The following OR3A1 variants were observed in gnomAD, a reference collection of about 807,000 sequenced individuals.
The protein encoded by OR3A1 is olfactory receptor 3A1.
For synonymous variants in OR3A1, 145 were observed against 160.0 expected, an observed-to-expected ratio of 0.91 and a Z score of 0.71; for missense variants, 402 against 393.8, an observed-to-expected ratio of 1.02 and a Z score of -0.18.
intron 1 of OR3A1, among the ~76,000 whole-genome samples, chr17:3,294,688 GACAA>G (rs1204920042): frequency 1.2e-4 from 18 of 151,970 alleles, no homozygotes; most frequent in East Asian, 1.9e-4. Flanking sequence ...TCAAAAAACA[GACAA>G]ACAAACAAAA....
At chr17:3,296,953 G>A (rs890324073) in intron 1 of OR3A1, among the ~76,000 whole-genome samples, 11 of 152,182 alleles carry the variant, frequency 7.2e-5, no homozygotes, top group African/African-American at 1.2e-4. Context: ...TTTATGGAAG[G>A]GGCATAACAT....
chr17:3,296,940 A>G (rs1050657542), intron 1 of OR3A1, among the ~76,000 whole-genome samples: 19 of 152,334 alleles, frequency 1.2e-4, no homozygotes, highest in South Asian at 6.2e-4. Context: ...TTTTCAAATT[A>G]CGTTTATGGA....
rs1230883554 is a variant in OR3A1, at chr17:3,292,583, G to GAGTT, written c.-5_-2dup. ...CATTGGCCCCAGATTCTGGCTGCAT[G>GAGTT]AGTTCCTGCAAAGAAACATCCAGGG... is the stretch of plus-strand genomic sequence containing the variant. On this transcript the variant is annotated 5_prime_UTR_variant, in exon 2 of 2. Transcript: ENST00000323404. 6.3e-7 allele frequency: 1 copy of GAGTT among 1,596,336 alleles called. No homozygotes were observed. The highest frequency in any genetic ancestry group is 1.3e-5 in the African/African-American group (1 of 74,184).
At chr17:3,297,342 C>T (rs1032122069) in intron 1 of OR3A1, among the ~76,000 whole-genome samples, 1 of 152,194 alleles carries the variant, frequency 6.6e-6, no homozygotes, top group African/African-American at 2.4e-5. Flanking sequence ...AACTACCTCT[C>T]ATTTGCCCTT....
intron 1 of OR3A1, among the ~76,000 whole-genome samples, chr17:3,292,928 C>T (rs548267631): frequency 4.6e-5 from 7 of 151,994 alleles, no homozygotes; most frequent in East Asian, 1.9e-4. Flanking sequence ...TGAACATGGC[C>T]GAGTAAATCC....
At chr17:3,296,599 G>A (rs2048920021) in intron 1 of OR3A1, among the ~76,000 whole-genome samples, 1 of 151,898 alleles carries the variant, frequency 6.6e-6, no homozygotes, top group Non-Finnish European at 1.5e-5. Flanking sequence ...AATTTATAAA[G>A]GAAAATAATC....
rs1485543100 is a variant in OR3A1 at position 3,297,866 on chromosome 17, T to TA, written c.-7+416dup. The stretch of plus-strand genomic sequence containing the variant: ...ATGAGCTGGAGTTTGTGCAACACGA[T>TA]AAAAGATTGATACGATTTAAGGGAG... On this transcript the variant is annotated intron_variant, in intron 1 of 1. Transcript: ENST00000323404. 2.0e-5 allele frequency among the ~76,000 whole-genome samples: 3 copies of TA among 152,190 alleles called. No homozygotes were observed. In the East Asian group the frequency reaches 5.8e-4, roughly 29 times the overall value.
chr17:3,291,994 G>A lies in OR3A1; in HGVS notation c.589C>T (p.Leu197Phe), dbSNP rs1207612324. 3.7e-6 allele frequency: 6 copies of A among 1,614,238 alleles called. No homozygotes were observed. Among genetic ancestry groups the A allele is most frequent in the Middle Eastern group, 1.6e-4 (1 of 6,062 alleles). Residue 197 changes from leucine to phenylalanine, a missense_variant, in exon 2 of 2, where the codon CTC (leucine) becomes TTC (phenylalanine). Physicochemically the swap from Leu to Phe is conservative, Grantham distance 22. Transcript: ENST00000323404. ...ACAGCAAAAAGCAGCAGCTCATTGA[G>A]TTGGGTGCTGGAGCAGGAGAGCTGG... Reference protein sequence around the residue: ...LFQLSCSSTQLNELLLFAVGF... With the variant: ...LFQLSCSSTQFNELLLFAVGF...
Position 3,292,004 on chromosome 17 carries a change from G to A in OR3A1, c.579C>T (p.Ser193=). 1 of 1,614,226 alleles carries A rather than the reference G, an allele frequency of 6.2e-7. No homozygotes were observed. Among genetic ancestry groups the A allele is most frequent in the South Asian group, 1.1e-5 (1 of 91,080 alleles). The part of the protein sequence containing the change: ...DLPQLFQLSC[S]STQLNELLLF... ...GCAGCAGCTCATTGAGTTGGGTGCT[G>A]GAGCAGGAGAGCTGGAAGAGCTGTG... Residue 193 remains serine (S), a synonymous_variant, in exon 2 of 2, where the codon TCC becomes TCT. Coordinates refer to ENST00000323404, the MANE Select transcript of OR3A1 (RefSeq NM_002550.3).
intron 1 of OR3A1, among the ~76,000 whole-genome samples, chr17:3,294,571 C>T (rs922742997): frequency 1.3e-5 from 2 of 152,106 alleles, no homozygotes; most frequent in African/African-American, 4.8e-5. Flanking sequence ...CTTTACAATT[C>T]AAAAGTGTAC....
intron 1 of OR3A1, among the ~76,000 whole-genome samples, chr17:3,294,778 TGAA>T (rs1449513127): frequency 6.6e-6 from 1 of 152,194 alleles, no homozygotes; most frequent in Non-Finnish European, 1.5e-5. Context: ...TGGAATGTAA[TGAA>T]GAACATGCCT....
chr17:3,291,360 C>G lies in OR3A1; in HGVS notation c.*275G>C. 1 of 338,776 alleles carries G rather than the reference C, an allele frequency of 3.0e-6. No individual in the cohort carries two copies. The highest frequency in any genetic ancestry group is 5.4e-6 in the Non-Finnish European group (1 of 186,562). 21.0% of individuals were successfully genotyped at this position (338,776 alleles called of 1,614,324 possible). The stretch of plus-strand genomic sequence containing the variant: ...TCTGGAACATGAACCTGTCAGCACT[C>G]ACAGCTTCCTAGGTTTCACCTCTAG... On this transcript the variant is annotated 3_prime_UTR_variant, in exon 2 of 2. Transcript: ENST00000323404.
chr17:3,296,250 GA>G (rs2048917194), intron 1 of OR3A1, among the ~76,000 whole-genome samples: 2 of 152,118 alleles, frequency 1.3e-5, no homozygotes, highest in South Asian at 4.1e-4. Flanking sequence ...GGACCAAACA[GA>G]GAATGAAAAC....
chr17:3,293,228 G>T (rs2625458), intron 1 of OR3A1, among the ~76,000 whole-genome samples: 1 of 151,822 alleles, frequency 6.6e-6, no homozygotes, highest in African/African-American at 2.4e-5. Flanking sequence ...GCAATAATGG[G>T]TATATGGTGT....
chr17:3,296,046 A>G (rs894809842), intron 1 of OR3A1, among the ~76,000 whole-genome samples: 1 of 152,156 alleles, frequency 6.6e-6, no homozygotes, highest in Non-Finnish European at 1.5e-5. Context: ...GGTAGAACCA[A>G]TTGACATTGT....
In OR3A1 at chr17:3,291,727, G is replaced by A. The variant is rs751592370; in HGVS notation, c.856C>T (p.Pro286Ser). 8 of 1,613,770 alleles carry A rather than the reference G, an allele frequency of 5.0e-6. No individual in the cohort carries two copies. The highest frequency in any genetic ancestry group is 6.8e-6 in the Non-Finnish European group (8 of 1,179,672). Residue 286 changes from proline to serine, a missense_variant, in exon 2 of 2, where the codon CCC becomes TCC. Transcript: ENST00000323404. ...AVGIFNTVIN[P>S]MLNPIIYSFR... ...CTGTAGATGATTGGGTTCAGCATGGGATTGATGACAGTGTTGAAAATTCCA... is the reference window on the plus strand; with the variant it reads ...CTGTAGATGATTGGGTTCAGCATGGAATTGATGACAGTGTTGAAAATTCCA...
Position 3,295,225 on chromosome 17 carries a change from A to G in OR3A1, c.-6-2637T>C, listed in dbSNP as rs72809723. 3.3e-3 allele frequency among the ~76,000 whole-genome samples: 510 copies of G among 152,248 alleles called. 1 individual carries two copies. Among genetic ancestry groups the G allele is most frequent in the Non-Finnish European group, 5.0e-3 (341 of 67,952 alleles). On this transcript the variant is annotated intron_variant, in intron 1 of 1. Coordinates refer to ENST00000323404, the MANE Select transcript of OR3A1 (RefSeq NM_002550.3). ...ATCTTCTATAGCTGAATGTTAAAAGATATTATTTAAACCTGATAAATTACA... is the reference window on the plus strand; with the variant it reads ...ATCTTCTATAGCTGAATGTTAAAAGGTATTATTTAAACCTGATAAATTACA...
At position 3,292,541 on chromosome 17, in the gene OR3A1, C is replaced by A. The variant is rs775585120; in HGVS notation, c.42G>T (p.Glu14Asp). ...CCTCCAGCAAGCCCAGCAGGATGAA[C>A]TCAGCAATGACTGTTCCATTGGCCC... is the stretch of plus-strand genomic sequence containing the variant. Reference protein sequence around the residue: ...ESGANGTVIAEFILLGLLEAP... With the variant: ...ESGANGTVIADFILLGLLEAP... Residue 14 changes from glutamate to aspartate, a missense_variant, in exon 2 of 2, where the codon GAG becomes GAT. By Grantham distance (45) the Glu-to-Asp change is conservative. Coordinates refer to ENST00000323404, the MANE Select transcript of OR3A1 (RefSeq NM_002550.3). 7.4e-6 allele frequency: 12 copies of A among 1,613,722 alleles called. No homozygotes were observed. Among genetic ancestry groups the A allele is most frequent in the African/African-American group, 1.3e-5 (1 of 74,878 alleles).
Position 3,291,371 on chromosome 17 carries a change from A to G in OR3A1, c.*264T>C, listed in dbSNP as rs1461671421. On this transcript the variant is annotated 3_prime_UTR_variant, in exon 2 of 2. Transcript: ENST00000323404. ...AACCTGTCAGCACTCACAGCTTCCT[A>G]GGTTTCACCTCTAGCCAGAAAGGAG... is the stretch of plus-strand genomic sequence containing the variant. 1 of 358,080 alleles carries G rather than the reference A, an allele frequency of 2.8e-6. No homozygotes were observed. Among genetic ancestry groups the G allele is most frequent in the Non-Finnish European group, 5.0e-6 (1 of 198,692 alleles). 22.2% of individuals were successfully genotyped at this position (358,080 alleles called of 1,614,324 possible). A position where few individuals can be genotyped will look rare whatever the true frequency, so the allele number is the denominator to read the frequency against.
Sources: gnomAD v4.1 joint callset for allele counts (sites outside exome capture counted in the v4.1 genomes callset) on GRCh38, gnomAD v4.1.1 for gene constraint, MANE v1.5 for transcripts, NCBI Gene and HGNC (gene_info 2026-07-23, HGNC 2026-07-21) for gene names.